RBPMS: variants seen among roughly 807,000 people sequenced by gnomAD.
RBPMS encodes the protein RNA binding protein, mRNA processing factor.
A neutral mutation model predicts 26.8 loss-of-function variants in RBPMS; 7 were observed. That is an observed-to-expected ratio of 0.26 (90% confidence interval 0.15 to 0.49). The LOEUF is 0.49. Ranked by LOEUF, RBPMS falls within the 20% of genes least tolerant of loss-of-function variation. RBPMS has a pLI of 0.98. For synonymous variants in RBPMS, 96 were observed against 93.3 expected (o/e 1.03, Z -0.17); for missense variants, 186 against 250.0 (o/e 0.74, Z 1.73).
intron 4 of RBPMS, among the ~76,000 whole-genome samples, chr8:30,486,159 C>G (rs1395797314): frequency 6.6e-6 from 1 of 152,006 alleles, no homozygotes; most frequent in Non-Finnish European, 1.5e-5. Flanking sequence ...CCAGCCTGGT[C>G]CAACATGGTG....
intron 4 of RBPMS, among the ~76,000 whole-genome samples, chr8:30,490,500 C>T (rs1219597605): frequency 6.6e-6 from 1 of 151,944 alleles, no homozygotes; most frequent in East Asian, 1.9e-4. Flanking sequence ...CGCTCTGTCA[C>T]CCAGGCTGGA....
chr8:30,549,767 T>TC lies in RBPMS; in HGVS notation c.528+5143_528+5144insC, dbSNP rs1475822906. Among the ~76,000 whole-genome samples, 399 of 106,630 alleles carry TC rather than the reference T, an allele frequency of 3.7e-3. 3 individuals are homozygous for TC. Among genetic ancestry groups the TC allele is most frequent in the African/African-American group, 0.016 (391 of 25,160 alleles). 70.0% of individuals were successfully genotyped at this position (106,630 alleles called of 152,430 possible). On this transcript the variant is annotated intron_variant, in intron 6 of 8. Transcript: ENST00000397323. ...CTTTCTTTCCTTTTCTTTTCTTTTC[T>TC]TTTCTTCTCTCTCTCTCTCTCTCTC... is the stretch of plus-strand genomic sequence containing the variant.
intron 1 of RBPMS, among the ~76,000 whole-genome samples, chr8:30,437,249 G>A (rs1038511661): frequency 6.6e-6 from 1 of 151,636 alleles, no homozygotes; most frequent in African/African-American, 2.4e-5. Context: ...ACCTAGATTT[G>A]TTGGGATTAT....
intron 7 of RBPMS, chr8:30,565,670 T>A (rs549516870): frequency 6.6e-6 from 1 of 152,416 alleles, no homozygotes; most frequent in East Asian, 1.9e-4. Context: ...TCTTCACAAA[T>A]GTGCATCCTT....
intron 5 of RBPMS, among the ~76,000 whole-genome samples, chr8:30,528,474 G>A (rs1469951110): frequency 6.6e-6 from 1 of 152,154 alleles, no homozygotes; most frequent in Admixed American, 6.5e-5. Flanking sequence ...GACCATGGTG[G>A]GTCATTAGGT....
intron 1 of RBPMS, among the ~76,000 whole-genome samples, chr8:30,411,677 A>G (rs1190223811): frequency 7.3e-6 from 1 of 136,322 alleles, no homozygotes; most frequent in Middle Eastern, 3.8e-3. Flanking sequence ...AAAAAAAAAA[A>G]AAAAAAAGAA....
At chr8:30,550,521 G>C (rs891708943) in intron 6 of RBPMS, among the ~76,000 whole-genome samples, 1 of 152,210 alleles carries the variant, frequency 6.6e-6, no homozygotes, top group East Asian at 1.9e-4. Context: ...CCACAAGGCC[G>C]TGACAGTTAA....
chr8:30,507,253 T>A (rs774696712), intron 5 of RBPMS, among the ~76,000 whole-genome samples: 46 of 152,184 alleles, frequency 3.0e-4, no homozygotes, highest in African/African-American at 5.8e-4. Flanking sequence ...GAGAAAAAAA[T>A]TTTTTTCACT....
intron 6 of RBPMS, chr8:30,558,525 TTAGA>T: frequency 2.7e-6 from 1 of 376,268 alleles, no homozygotes; most frequent in Non-Finnish European, 5.1e-6. Context: ...TAGAAAGCCA[TTAGA>T]TAGCCTTTCA....
chr8:30,512,746 A>AT (rs1821852813), intron 5 of RBPMS, among the ~76,000 whole-genome samples: 2 of 152,228 alleles, frequency 1.3e-5, no homozygotes, highest in South Asian at 2.1e-4. Flanking sequence ...GCCACTGACC[A>AT]TACTATACTT....
At chr8:30,513,611 A>G (rs2150963234) in intron 5 of RBPMS, among the ~76,000 whole-genome samples, 1 of 139,006 alleles carries the variant, frequency 7.2e-6, no homozygotes, top group East Asian at 2.0e-4. Flanking sequence ...AAAAAAAAAA[A>G]AAAATCAGGG....
At chr8:30,492,485 T>A (rs1819501743) in intron 4 of RBPMS, among the ~76,000 whole-genome samples, 1 of 152,158 alleles carries the variant, frequency 6.6e-6, no homozygotes, top group South Asian at 2.1e-4. Flanking sequence ...CTTTTATCTT[T>A]AAAGGATCTA....
At chr8:30,491,893 A>G (rs1248966332) in intron 4 of RBPMS, among the ~76,000 whole-genome samples, 5 of 151,784 alleles carry the variant, frequency 3.3e-5, no homozygotes, top group African/African-American at 1.2e-4. Context: ...AGACACAGAC[A>G]CCCCCACCCC....
chr8:30,541,913 A>AGG (rs1825426266), intron 5 of RBPMS, among the ~76,000 whole-genome samples: 1 of 152,366 alleles, frequency 6.6e-6, no homozygotes, highest in East Asian at 1.9e-4. Flanking sequence ...TTTCCGTCAA[A>AGG]GGAGTGTATG....
intron 5 of RBPMS, among the ~76,000 whole-genome samples, chr8:30,518,828 A>G (rs188775906): frequency 2.0e-5 from 3 of 149,904 alleles, no homozygotes; most frequent in Non-Finnish European, 4.4e-5. Flanking sequence ...GTAAGCCAGT[A>G]TGACCTACAC....
chr8:30,428,407 G>C (rs1426517128), intron 1 of RBPMS, among the ~76,000 whole-genome samples: 1 of 151,816 alleles, frequency 6.6e-6, no homozygotes, highest in Admixed American at 6.6e-5. Context: ...GGTAAGTTGT[G>C]ATCATGCCAC....
intron 2 of RBPMS, among the ~76,000 whole-genome samples, chr8:30,477,022 T>C (rs1817767921): frequency 1.3e-5 from 2 of 152,186 alleles, no homozygotes. Context: ...CTTAACCATT[T>C]CTGGCAGTTT....
intron 5 of RBPMS, among the ~76,000 whole-genome samples, chr8:30,513,587 C>CAAAAAAAA (rs56184994): frequency 1.8e-4 from 19 of 108,506 alleles, no homozygotes; most frequent in African/African-American, 6.2e-4. Context: ...GACTCCATCT[C>CAAAAAAAA]AAAAAAAAAA....
intron 6 of RBPMS, chr8:30,545,150 C>T (rs1258452275): frequency 7.6e-7 from 1 of 1,308,578 alleles, no homozygotes; most frequent in Admixed American, 2.3e-5. Flanking sequence ...AGGGTTCCTT[C>T]TCTCCATTTT....
Sources: gnomAD v4.1 joint callset for allele counts (sites outside exome capture counted in the v4.1 genomes callset) on GRCh38, gnomAD v4.1.1 for gene constraint, MANE v1.5 for transcripts, NCBI Gene and HGNC (gene_info 2026-07-23, HGNC 2026-07-21) for gene names.